Variants in PALM2AKAP2 observed in about 807,000 individuals in gnomAD.
The protein encoded by PALM2AKAP2 is PALM2-AKAP2 fusion protein.
Under a neutral mutation model 71.5 loss-of-function variants are expected in PALM2AKAP2, and 37 were observed. That is an observed-to-expected ratio of 0.52 (90% CI 0.40 to 0.68). PALM2AKAP2 has a LOEUF of 0.68. Ranked by LOEUF, PALM2AKAP2 falls within the 30% of genes least tolerant of loss-of-function variation. The pLI, the probability that PALM2AKAP2 is intolerant of heterozygous loss-of-function variation, is 0.00. For synonymous variants in PALM2AKAP2, 468 were observed against 478.8 expected (o/e 0.98, Z 0.29); for missense variants, 1,224 against 1,191.8 (o/e 1.03, Z -0.40).
intron 1 of PALM2AKAP2, among the ~76,000 whole-genome samples, chr9:109,783,595 G>C (rs1826878311): frequency 2.0e-5 from 3 of 152,172 alleles, no homozygotes; most frequent in Admixed American, 1.3e-4. Flanking sequence ...CACTATACTT[G>C]GTCTGAACAG....
In PALM2AKAP2 at chr9:109,720,801, A is replaced by G. The variant is rs543487529; in HGVS notation, c.6-59687A>G. ...ATGCTGTGGATTTGTTCACTCATTC[A>G]CTCATTCACAGTGGATGCATTGATT... On this transcript the variant is annotated intron_variant, in intron 1 of 6. Transcript: ENST00000374531. Among the ~76,000 whole-genome samples, 39 of 152,362 alleles carry G rather than the reference A, an allele frequency of 2.6e-4. 2 individuals carry two copies. The South Asian group carries it at 7.7e-3, about 30-fold the overall frequency.
intron 1 of PALM2AKAP2, among the ~76,000 whole-genome samples, chr9:109,737,906 G>A (rs1359466644): frequency 2.0e-5 from 3 of 152,164 alleles, no homozygotes; most frequent in Admixed American, 6.5e-5. Context: ...TAACATTTGG[G>A]TGTTGGAAAC....
intron 1 of PALM2AKAP2, among the ~76,000 whole-genome samples, chr9:109,785,098 T>TTATATAAA (rs1826925930): frequency 6.6e-6 from 1 of 152,180 alleles, no homozygotes; most frequent in South Asian, 2.1e-4. Flanking sequence ...TAAGTAAATG[T>TTATATAAA]TATATAAATT....
At chr9:110,035,129 A>G (rs189842344) in intron 7 of PALM2AKAP2, among the ~76,000 whole-genome samples, 35 of 150,226 alleles carry the variant, frequency 2.3e-4, no homozygotes, top group Non-Finnish European at 4.6e-4. Flanking sequence ...GTGTTTTACA[A>G]GTGCTTTTTT....
At position 110,129,472 on chromosome 9, in the gene PALM2AKAP2, C is replaced by T. The variant is rs973954116; in HGVS notation, c.157-6655C>T. Reference sequence around the variant, plus strand: ...AATCCTGGCTAGGGCACTTACTAGGCAGGTGATCTTGGGAAACGTCCCTCT... The same window carrying T: ...AATCCTGGCTAGGGCACTTACTAGGTAGGTGATCTTGGGAAACGTCCCTCT... On this transcript the variant is annotated intron_variant, in intron 1 of 3. Transcript: ENST00000374525. Among the ~76,000 whole-genome samples the T allele has an allele frequency of 4.6e-5, 7 of 152,344 alleles. No individual in the cohort carries two copies. The South Asian group carries it at 8.3e-4, about 18-fold the overall frequency.
chr9:110,112,951 C>G (rs1835282671), intron 1 of PALM2AKAP2, among the ~76,000 whole-genome samples: 2 of 152,248 alleles, frequency 1.3e-5, no homozygotes, highest in Non-Finnish European at 2.9e-5. Context: ...ATGAGCACCT[C>G]ATCATCAACT....
chr9:109,989,586 A>G (rs1199970192), intron 6 of PALM2AKAP2, among the ~76,000 whole-genome samples: 1 of 152,192 alleles, frequency 6.6e-6, no homozygotes, highest in Admixed American at 6.5e-5. Context: ...AATATTTGTT[A>G]CTCCAAATAG....
At chr9:110,107,423 A>T (rs1166853420) in intron 1 of PALM2AKAP2, among the ~76,000 whole-genome samples, 1 of 152,240 alleles carries the variant, frequency 6.6e-6, no homozygotes. Context: ...TGAGTTTAGA[A>T]ATAGGATCTT....
chr9:109,924,595 G>A (rs1292737013), intron 4 of PALM2AKAP2, among the ~76,000 whole-genome samples: 3 of 152,022 alleles, frequency 2.0e-5, no homozygotes, highest in African/African-American at 7.3e-5. Context: ...GCAAGACTGC[G>A]TCTCAAAAAA....
At position 109,924,947 on chromosome 9, in the gene PALM2AKAP2, CA is replaced by C. The variant is rs1830918209; in HGVS notation, c.373-111del. The C allele has an allele frequency of 1.3e-6, 2 of 1,503,206 alleles. 1 individual carries two copies. The highest frequency in any genetic ancestry group is 2.4e-5 in the South Asian group (2 of 84,794). The allele number at this position is 1,503,206 out of a possible 1,614,324, so 93.1% of individuals were successfully genotyped here. The stretch of plus-strand genomic sequence containing the variant: ...GATCGTTGCGTTTCCCCAGCACAGT[CA>C]AATTCTGGGCTGGGGCATGGGAGAA... On this transcript the variant is annotated intron_variant, in intron 4 of 9. Transcript: ENST00000302798.
intron 1 of PALM2AKAP2, among the ~76,000 whole-genome samples, chr9:109,813,784 AGAAG>A (rs1827784490): frequency 2.6e-5 from 4 of 152,294 alleles, no homozygotes; most frequent in Admixed American, 1.3e-4. Flanking sequence ...GGACTTTTCA[AGAAG>A]CCGATAACTC....
chr9:109,722,288 G>C (rs1380218600), intron 1 of PALM2AKAP2, among the ~76,000 whole-genome samples: 1 of 152,110 alleles, frequency 6.6e-6, no homozygotes, highest in Non-Finnish European at 1.5e-5. Flanking sequence ...GAATACACAC[G>C]CATACACACA....
rs200840029 is a variant in PALM2AKAP2, at chr9:110,146,149, C to T, written c.2569+7610C>T. Among the ~76,000 whole-genome samples, 28 of 152,166 alleles carry T rather than the reference C, an allele frequency of 1.8e-4. No homozygotes were observed. In the East Asian group the frequency reaches 4.5e-3, roughly 24 times the overall value. ...TCCTGACCTTGTTATCCACCTGCCT[C>T]GGCCTCCCAAAGTGCTGGGATTTGG... is the stretch of plus-strand genomic sequence containing the variant. On this transcript the variant is annotated intron_variant, in intron 2 of 3. Coordinates refer to ENST00000374525, the Ensembl canonical transcript of PALM2AKAP2.
intron 3 of PALM2AKAP2, among the ~76,000 whole-genome samples, chr9:110,167,978 G>T (rs1439933191): frequency 6.6e-6 from 1 of 152,170 alleles, no homozygotes; most frequent in Non-Finnish European, 1.5e-5. Flanking sequence ...CCTATTTCAA[G>T]TGCTCAATAG....
intron 1 of PALM2AKAP2, among the ~76,000 whole-genome samples, chr9:110,066,523 C>T (rs763672248): frequency 1.3e-5 from 2 of 151,984 alleles, no homozygotes; most frequent in Non-Finnish European, 2.9e-5. Flanking sequence ...ATAGTGAGAC[C>T]TTGTCTCTAA....
At chr9:109,825,356 G>A (rs530657907) in intron 1 of PALM2AKAP2, among the ~76,000 whole-genome samples, 52 of 152,266 alleles carry the variant, frequency 3.4e-4, no homozygotes, top group African/African-American at 1.2e-3. Context: ...AGCCAAAATT[G>A]ACAAATGGGA....
chr9:109,833,755 A>G (rs1176397503), intron 1 of PALM2AKAP2, among the ~76,000 whole-genome samples: 3 of 152,194 alleles, frequency 2.0e-5, no homozygotes, highest in African/African-American at 4.8e-5. Context: ...GTGACAATCA[A>G]GAAAAGTAAT....
At chr9:110,109,274 G>C (rs981464400) in intron 1 of PALM2AKAP2, among the ~76,000 whole-genome samples, 1 of 130,138 alleles carries the variant, frequency 7.7e-6, no homozygotes, top group East Asian at 2.4e-4. Context: ...CCGAGATCTC[G>C]CCATTGTACT....
intron 7 of PALM2AKAP2, among the ~76,000 whole-genome samples, chr9:110,020,841 G>A (rs1166183888): frequency 6.6e-6 from 1 of 151,998 alleles, no homozygotes; most frequent in Non-Finnish European, 1.5e-5. Context: ...TGGGCACGTT[G>A]GCTCATGCCT....
Sources: gnomAD v4.1 joint callset for allele counts (sites outside exome capture counted in the v4.1 genomes callset) on GRCh38, gnomAD v4.1.1 for gene constraint, MANE v1.5 for transcripts, NCBI Gene and HGNC (gene_info 2026-07-23, HGNC 2026-07-21) for gene names.